The following HERPUD2 variants were observed in gnomAD, a reference collection of about 807,000 sequenced individuals.
HERPUD2 encodes homocysteine-responsive endoplasmic reticulum-resident ubiquitin-like domain member 2 protein.
A neutral mutation model predicts 49.9 loss-of-function variants in HERPUD2; 13 were observed. The observed-to-expected ratio is 0.26, with a 90% CI of 0.17 to 0.41. The LOEUF is 0.41. HERPUD2 is among the 10% of genes least tolerant of loss of function. The pLI, the probability that HERPUD2 is intolerant of heterozygous loss-of-function variation, is 1.00. For synonymous variants in HERPUD2, 172 were observed against 171.4 expected, an observed-to-expected ratio of 1.00 and a Z score of -0.03; for missense variants, 449 against 492.2, an observed-to-expected ratio of 0.91 and a Z score of 0.83.
intron 5 of HERPUD2, among the ~76,000 whole-genome samples, chr7:35,662,688 G>A (rs879362458): frequency 2.0e-5 from 3 of 151,608 alleles, no homozygotes; most frequent in Non-Finnish European, 4.4e-5. Flanking sequence ...CTCTCTGATG[G>A]CCATATTTCT....
chr7:35,638,871 A>T (rs1784918217), intron 5 of HERPUD2, among the ~76,000 whole-genome samples: 1 of 152,188 alleles, frequency 6.6e-6, no homozygotes, highest in Admixed American at 6.5e-5. Flanking sequence ...GAAATAGACA[A>T]ATGATATTTT....
chr7:35,654,595 T>TAA (rs57491123), intron 5 of HERPUD2, among the ~76,000 whole-genome samples: 6 of 120,894 alleles, frequency 5.0e-5, no homozygotes, highest in African/African-American at 1.5e-4. Context: ...AATCAGTAAT[T>TAA]AAAAAAAAAA....
intron 4 of HERPUD2, among the ~76,000 whole-genome samples, chr7:35,669,320 A>G (rs1181046878): frequency 1.3e-5 from 2 of 152,208 alleles, no homozygotes; most frequent in Non-Finnish European, 2.9e-5. Flanking sequence ...GCAACTGGAG[A>G]AGCTAGTTTC....
intron 2 of HERPUD2, among the ~76,000 whole-genome samples, chr7:35,676,063 T>C (rs1785752616): frequency 6.6e-6 from 1 of 152,224 alleles, no homozygotes; most frequent in African/African-American, 2.4e-5. Flanking sequence ...TAATATCCAA[T>C]GCAGCTCAAC....
chr7:35,652,770 C>G (rs894674625), intron 5 of HERPUD2, among the ~76,000 whole-genome samples: 2 of 151,730 alleles, frequency 1.3e-5, no homozygotes, highest in African/African-American at 2.4e-5. Context: ...CTATACCCAG[C>G]AAAGTTATCC....
intron 2 of HERPUD2, among the ~76,000 whole-genome samples, chr7:35,688,279 A>AT (rs1471057908): frequency 6.6e-6 from 1 of 152,226 alleles, no homozygotes; most frequent in African/African-American, 2.4e-5. Flanking sequence ...AACACTATAA[A>AT]TAGAGGCACA....
At chr7:35,691,587 A>G (rs1458380824) in intron 2 of HERPUD2, among the ~76,000 whole-genome samples, 2 of 152,212 alleles carry the variant, frequency 1.3e-5, no homozygotes, top group African/African-American at 4.8e-5. Context: ...CTAAGTCCAC[A>G]CACTGATAAT....
chr7:35,640,638 G>A (rs773437508), intron 5 of HERPUD2, among the ~76,000 whole-genome samples: 13 of 152,140 alleles, frequency 8.5e-5, no homozygotes, highest in South Asian at 2.1e-4. Flanking sequence ...ATAATTTTCA[G>A]TTGTGTTCAT....
chr7:35,672,695 T>C (rs1267437584), intron 3 of HERPUD2, among the ~76,000 whole-genome samples: 1 of 152,126 alleles, frequency 6.6e-6, no homozygotes, highest in Non-Finnish European at 1.5e-5. Flanking sequence ...AGCCTTCAAG[T>C]TGATTTTATT....
In HERPUD2 at chr7:35,694,430, G is replaced by A. The variant is rs1458746202; in HGVS notation, c.-100C>T. ...GCGACTGGGATGAGGACAGAAGTGAGTTCTTAGTATTCCGTGTCCAAGTCA... is the reference window on the plus strand; with the variant it reads ...GCGACTGGGATGAGGACAGAAGTGAATTCTTAGTATTCCGTGTCCAAGTCA... On this transcript the variant is annotated 5_prime_UTR_variant, in exon 2 of 9. Coordinates refer to ENST00000311350, the MANE Select transcript of HERPUD2 (RefSeq NM_022373.5). 14 of 1,211,442 alleles carry A rather than the reference G, an allele frequency of 1.2e-5. No individual in the cohort carries two copies. The highest frequency in any genetic ancestry group is 1.7e-5 in the Non-Finnish European group (14 of 830,426). The allele number at this position is 1,211,442 out of a possible 1,614,324, so 75.0% of individuals were successfully genotyped here. A position where few individuals can be genotyped will look rare whatever the true frequency, so the allele number is the denominator to read the frequency against.
chr7:35,634,132 G>A (rs1485398824), intron 8 of HERPUD2, among the ~76,000 whole-genome samples, 180 bp downstream of exon 8: 1 of 152,168 alleles, frequency 6.6e-6, no homozygotes, highest in East Asian at 1.9e-4. Context: ...ATATATGACT[G>A]ATTCAGTATA....
intron 2 of HERPUD2, among the ~76,000 whole-genome samples, chr7:35,679,337 A>G (rs900829119): frequency 6.6e-6 from 1 of 152,240 alleles, no homozygotes; most frequent in African/African-American, 2.4e-5. Context: ...TAACTGAAGT[A>G]GTATGACTAG....
rs138231292 is a variant in HERPUD2 at position 35,681,850 on chromosome 7, G to A, written c.148-8572C>T. 2.9e-3 allele frequency among the ~76,000 whole-genome samples: 439 copies of A among 152,200 alleles called. 1 individual carries two copies. The highest frequency in any genetic ancestry group is 4.6e-3 in the Non-Finnish European group (312 of 67,998). ...TTAGCACACTGGAAGAAAAAAGAAT[G>A]GGGAGTGACTGCCAATAGGTATGGA... On this transcript the variant is annotated intron_variant, in intron 2 of 8. Transcript: ENST00000311350.
At chr7:35,657,390 A>T (rs1250228122) in intron 5 of HERPUD2, among the ~76,000 whole-genome samples, 1 of 152,056 alleles carries the variant, frequency 6.6e-6, no homozygotes, top group Non-Finnish European at 1.5e-5. Flanking sequence ...GAGAAAAGGG[A>T]CCTCTTATAC....
At chr7:35,652,658 G>A (rs942591226) in intron 5 of HERPUD2, among the ~76,000 whole-genome samples, 2 of 150,646 alleles carry the variant, frequency 1.3e-5, no homozygotes, top group Admixed American at 6.6e-5. Flanking sequence ...GAAGGAGAGG[G>A]TGGGAGAAAG....
intron 2 of HERPUD2, among the ~76,000 whole-genome samples, chr7:35,685,390 C>T (rs1322368993): frequency 6.8e-6 from 1 of 146,964 alleles, no homozygotes; most frequent in Non-Finnish European, 1.5e-5. Flanking sequence ...GTGGCATGAG[C>T]TCAGCTCCCA....
At chr7:35,665,880 C>T (rs1301395908) in intron 5 of HERPUD2, among the ~76,000 whole-genome samples, 1 of 152,112 alleles carries the variant, frequency 6.6e-6, no homozygotes, top group Non-Finnish European at 1.5e-5. Flanking sequence ...ATTCTGAAGA[C>T]CTGTAATCTT....
rs957798033 is a variant in HERPUD2, at chr7:35,633,488, C to CG, written c.*201_*202insC. On this transcript the variant is annotated 3_prime_UTR_variant, in exon 9 of 9. Coordinates refer to ENST00000311350, the MANE Select transcript of HERPUD2 (RefSeq NM_022373.5). ...TTGTTACGCTATGTTCTGTTAGGAT[C>CG]TTTAAAAAAAAAAAAAAAAAACTCA... The CG allele has an allele frequency of 5.2e-6, 2 of 386,514 alleles. No individual in the cohort carries two copies. The highest frequency in any genetic ancestry group is 5.0e-5 in the African/African-American group (2 of 40,238). 23.9% of individuals were successfully genotyped at this position (386,514 alleles called of 1,614,324 possible). A position where few individuals can be genotyped will look rare whatever the true frequency, so the allele number is the denominator to read the frequency against.
Position 35,635,930 on chromosome 7 carries a change from T to C in HERPUD2, c.618-472A>G, listed in dbSNP as rs1651071922. 1.3e-5 allele frequency among the ~76,000 whole-genome samples: 2 copies of C among 152,218 alleles called. 1 individual carries two copies. Among genetic ancestry groups the C allele is most frequent in the South Asian group, 4.1e-4 (2 of 4,836 alleles). ...TGTGTCTACTGTCAGTGATAAATGATTTGTATTAGTATCCTAAAATCCTAA... is the reference window on the plus strand; with the variant it reads ...TGTGTCTACTGTCAGTGATAAATGACTTGTATTAGTATCCTAAAATCCTAA... On this transcript the variant is annotated intron_variant, in intron 6 of 8. Transcript: ENST00000311350.
Sources: allele counts gnomAD v4.1 joint callset (sites outside exome capture counted in the v4.1 genomes callset), GRCh38; gene constraint gnomAD v4.1.1; transcripts MANE v1.5; gene names NCBI Gene and HGNC (gene_info 2026-07-23, HGNC 2026-07-21).